Variants in SUGP1 observed in about 807,000 individuals in gnomAD.
SUGP1 encodes the protein SURP and G-patch domain containing 1.
In SUGP1, 34 loss-of-function variants were observed where a neutral mutation model predicts 76.5. The observed-to-expected ratio is 0.44, with a 90% confidence interval of 0.34 to 0.59. The LOEUF is 0.59. SUGP1 is among the 20% of genes least tolerant of loss of function. SUGP1 has a pLI of 0.01. For synonymous variants in SUGP1, 326 were observed against 326.2 expected (o/e 1.00, Z 0.01); for missense variants, 752 against 851.7 (o/e 0.88, Z 1.46).
At chr19:19,292,231 C>T (rs1328868003) in intron 8 of SUGP1, among the ~76,000 whole-genome samples, 5 of 146,206 alleles carry the variant, frequency 3.4e-5, no homozygotes, top group Middle Eastern at 3.8e-3. Context: ...CGAGATTGCA[C>T]GACTGCACTC....
At chr19:19,278,594 G>A in intron 11 of SUGP1, 96 bp downstream of exon 11, 3 of 1,059,270 alleles carry the variant, frequency 2.8e-6, no homozygotes, top group Non-Finnish European at 4.3e-6. Flanking sequence ...GTGATCGAGA[G>A]GGTAGCCAGG....
Position 19,295,383 on chromosome 19 carries a change from T to C in SUGP1, c.1243+1606A>G, listed in dbSNP as rs560708878. On this transcript the variant is annotated intron_variant, in intron 8 of 13. Coordinates refer to ENST00000247001, the MANE Select transcript of SUGP1 (RefSeq NM_172231.4). The stretch of plus-strand genomic sequence containing the variant: ...ACTTTGGGAGGCTAAGGCAGGCGGA[T>C]CATGAGGTCAGGAGATCGAGATCAT... Among the ~76,000 whole-genome samples, 5 of 151,860 alleles carry C rather than the reference T, an allele frequency of 3.3e-5. No homozygotes were observed. The East Asian group carries it at 7.7e-4, about 24-fold the overall frequency.
At chr19:19,302,200 T>G in intron 7 of SUGP1, 65 bp downstream of exon 7, 1 of 1,597,910 alleles carries the variant, frequency 6.3e-7, no homozygotes, top group African/African-American at 1.3e-5. Flanking sequence ...GCTGATCCAG[T>G]GTCCTCCCCT....
intron 3 of SUGP1, among the ~76,000 whole-genome samples, 182 bp from the exon 4 acceptor site, chr19:19,306,258 CGTT>C (rs1355301030): frequency 6.6e-6 from 1 of 152,104 alleles, no homozygotes; most frequent in Non-Finnish European, 1.5e-5. Context: ...CAAAAGGACT[CGTT>C]GTGGTCCCCC....
chr19:19,318,731 A>C (rs906319903), intron 1 of SUGP1, among the ~76,000 whole-genome samples: 1 of 152,144 alleles, frequency 6.6e-6, no homozygotes. Flanking sequence ...CACCTAGCCA[A>C]TATCCACAGG....
chr19:19,306,953 G>C (rs970862830), intron 3 of SUGP1, among the ~76,000 whole-genome samples: 2 of 152,194 alleles, frequency 1.3e-5, no homozygotes, highest in Non-Finnish European at 2.9e-5. Flanking sequence ...GTCTGGTGGG[G>C]AGCAGCATCA....
At chr19:19,293,665 C>T (rs1195273427) in intron 8 of SUGP1, among the ~76,000 whole-genome samples, 1 of 152,096 alleles carries the variant, frequency 6.6e-6, no homozygotes, top group Non-Finnish European at 1.5e-5. Flanking sequence ...CATACACCCA[C>T]ACATCATACA....
At chr19:19,298,015 GGA>G (rs2061242417) in intron 7 of SUGP1, among the ~76,000 whole-genome samples, 2 of 152,336 alleles carry the variant, frequency 1.3e-5, no homozygotes, top group East Asian at 3.9e-4. Flanking sequence ...ATGCCAAAAG[GGA>G]GAGTCTTGGC....
At chr19:19,300,945 G>A (rs749925692) in intron 7 of SUGP1, among the ~76,000 whole-genome samples, 4 of 152,292 alleles carry the variant, frequency 2.6e-5, no homozygotes, top group South Asian at 2.1e-4. Context: ...CAGAGCCACC[G>A]GGCTCTGGGC....
At chr19:19,307,988 A>T (rs1307897120) in intron 3 of SUGP1, among the ~76,000 whole-genome samples, 1 of 151,888 alleles carries the variant, frequency 6.6e-6, no homozygotes, top group African/African-American at 2.4e-5. Context: ...ATTAACAAAG[A>T]TCAGAAGTAT....
intron 8 of SUGP1, among the ~76,000 whole-genome samples, chr19:19,286,955 A>T (rs375724435): frequency 6.6e-6 from 1 of 150,816 alleles, no homozygotes; most frequent in African/African-American, 2.4e-5. Flanking sequence ...CAAAAAAAAA[A>T]GCAAAACAAC....
intron 8 of SUGP1, among the ~76,000 whole-genome samples, chr19:19,283,518 G>A (rs1022704440): frequency 5.3e-5 from 8 of 151,220 alleles, no homozygotes; most frequent in East Asian, 1.9e-4. Context: ...GCAGTGGTAC[G>A]ACTTCGGCTC....
intron 8 of SUGP1, 85 bp from the exon 9 acceptor site, chr19:19,280,376 C>A: frequency 8.3e-7 from 1 of 1,210,734 alleles, no homozygotes; most frequent in Non-Finnish European, 1.2e-6. Context: ...GTGAGTCTCA[C>A]ACCTTCATGA....
chr19:19,307,658 CTTTTTT>C (rs58906074), intron 3 of SUGP1, among the ~76,000 whole-genome samples: 1 of 145,854 alleles, frequency 6.9e-6, no homozygotes, highest in Non-Finnish European at 1.5e-5. Context: ...TGGTATTTTT[CTTTTTT>C]TTTTTTCTTT....
intron 7 of SUGP1, among the ~76,000 whole-genome samples, chr19:19,297,608 T>C (rs560652999): frequency 6.6e-6 from 1 of 152,236 alleles, no homozygotes; most frequent in South Asian, 2.1e-4. Context: ...CACACTGTCA[T>C]TGTTCACCCT....
chr19:19,287,264 G>A (rs969662076), intron 8 of SUGP1, among the ~76,000 whole-genome samples: 41 of 151,552 alleles, frequency 2.7e-4, no homozygotes, highest in African/African-American at 9.7e-4. Context: ...GAGTGATACC[G>A]TGTCTCAAAA....
chr19:19,306,451 G>A (rs974966074), intron 3 of SUGP1, among the ~76,000 whole-genome samples: 3 of 152,238 alleles, frequency 2.0e-5, no homozygotes, highest in African/African-American at 7.2e-5. Flanking sequence ...TGGCCAGGCT[G>A]ACTGGCCAGG....
At chr19:19,292,792 C>T in intron 8 of SUGP1, among the ~76,000 whole-genome samples, 1 of 152,178 alleles carries the variant, frequency 6.6e-6, no homozygotes, top group East Asian at 1.9e-4. Flanking sequence ...TACACCATGA[C>T]CAAGTGGGAT....
intron 8 of SUGP1, among the ~76,000 whole-genome samples, chr19:19,294,023 C>T (rs2061205861): frequency 6.6e-6 from 1 of 150,910 alleles, no homozygotes; most frequent in Non-Finnish European, 1.5e-5. Context: ...CATATCGACA[C>T]AAAAAATGCA....
Sources: gnomAD v4.1 joint callset for allele counts (sites outside exome capture counted in the v4.1 genomes callset) on GRCh38, gnomAD v4.1.1 for gene constraint, MANE v1.5 for transcripts, NCBI Gene and HGNC (gene_info 2026-07-23, HGNC 2026-07-21) for gene names.